Variants in AGBL4 observed in about 807,000 individuals in gnomAD.
The protein encoded by AGBL4 is cytosolic carboxypeptidase 6.
Under a neutral mutation model 66.4 loss-of-function variants are expected in AGBL4, and 58 were observed. The observed-to-expected ratio is 0.87, with a 90% CI of 0.71 to 1.09. The LOEUF is 1.09. Ranked by LOEUF, AGBL4 falls within the 50% of genes least tolerant of loss-of-function variation. The probability of loss-of-function intolerance (pLI) is 0.00; values close to 1 mark genes in which losing one functional copy is unlikely to be tolerated. For missense variants in AGBL4, 579 were observed against 631.0 expected, an observed-to-expected ratio of 0.92 and a Z score of 0.88; for synonymous variants, 234 against 222.9, an observed-to-expected ratio of 1.05 and a Z score of -0.44.
chr1:49,388,761 T>G (rs1156725282), intron 3 of AGBL4, among the ~76,000 whole-genome samples: 2 of 152,122 alleles, frequency 1.3e-5, no homozygotes, highest in Non-Finnish European at 2.9e-5. Context: ...TGCAAAGCTC[T>G]GTAAAACAAT....
At chr1:49,011,387 G>T (rs781725962) in intron 5 of AGBL4, among the ~76,000 whole-genome samples, 4 of 152,078 alleles carry the variant, frequency 2.6e-5, no homozygotes, top group Non-Finnish European at 5.9e-5. Flanking sequence ...AACAACAGGT[G>T]CTGGAGAGGG....
At chr1:48,690,059 C>G (rs1646604817) in intron 6 of AGBL4, among the ~76,000 whole-genome samples, 1 of 152,220 alleles carries the variant, frequency 6.6e-6, no homozygotes, top group Non-Finnish European at 1.5e-5. Context: ...CCATCAGCAC[C>G]TCGAGGTCAA....
At chr1:49,202,642 C>A (rs1647801011) in intron 4 of AGBL4, among the ~76,000 whole-genome samples, 1 of 151,942 alleles carries the variant, frequency 6.6e-6, no homozygotes, top group African/African-American at 2.4e-5. Context: ...AAATATAAGA[C>A]CTTAAACTAT....
intron 2 of AGBL4, among the ~76,000 whole-genome samples, chr1:49,803,956 T>C (rs894242923): frequency 6.6e-6 from 1 of 152,196 alleles, no homozygotes; most frequent in Non-Finnish European, 1.5e-5. Flanking sequence ...TATCCTAAGA[T>C]GTGTGGTTTA....
rs561625940 is a variant in AGBL4, at chr1:49,194,124, C to T, written c.377+51646G>A. On this transcript the variant is annotated intron_variant, in intron 4 of 13. Transcript: ENST00000371839. ...GCTGTTAGTAGGATGTTGAAGTCCT[C>T]CATTATTATTATATTGCTGGTTATC... is the stretch of plus-strand genomic sequence containing the variant. Among the ~76,000 whole-genome samples, 31 of 152,122 alleles carry T rather than the reference C, an allele frequency of 2.0e-4. 1 individual carries two copies. In the South Asian group the frequency reaches 6.0e-3, roughly 30 times the overall value.
chr1:49,110,817 C>T (rs1300703560), intron 4 of AGBL4, among the ~76,000 whole-genome samples: 1 of 152,132 alleles, frequency 6.6e-6, no homozygotes, highest in Non-Finnish European at 1.5e-5. Flanking sequence ...TCTTCAGTGA[C>T]AATTCAATTC....
chr1:49,858,298 T>A (rs144671681), intron 1 of AGBL4, among the ~76,000 whole-genome samples: 36 of 152,260 alleles, frequency 2.4e-4, no homozygotes, highest in African/African-American at 8.4e-4. Flanking sequence ...AGTACATTAG[T>A]ACATAGACAC....
At chr1:49,830,549 T>A (rs963995075) in intron 2 of AGBL4, among the ~76,000 whole-genome samples, 1 of 152,196 alleles carries the variant, frequency 6.6e-6, no homozygotes, top group African/African-American at 2.4e-5. Context: ...TTCTCCAATT[T>A]TGTGAGTTGC....
intron 1 of AGBL4, among the ~76,000 whole-genome samples, chr1:49,879,299 C>T (rs1163215359): frequency 7.9e-5 from 12 of 150,966 alleles, no homozygotes; most frequent in East Asian, 3.9e-4. Context: ...TGGCTGGTAC[C>T]GGTTGTTTCT....
rs1646013749 is a variant in AGBL4, at chr1:49,842,225, G to T, written c.157+9171C>A. On this transcript the variant is annotated intron_variant, in intron 2 of 13. Coordinates refer to ENST00000371839, the MANE Select transcript of AGBL4 (RefSeq NM_032785.4). The stretch of plus-strand genomic sequence containing the variant: ...CAGCCAGGAGGAGTGGAGGCAGCTG[G>T]AGCCTGCCCAGAGGGCCCTGTACTA... The T allele has an allele frequency of 1.4e-5, 6 of 435,250 alleles. No individual in the cohort carries two copies. The Admixed American group carries it at 1.4e-4, about 10-fold the overall frequency. 27.0% of individuals were successfully genotyped at this position (435,250 alleles called of 1,614,324 possible).
intron 4 of AGBL4, among the ~76,000 whole-genome samples, chr1:49,115,948 A>C (rs1056239942): frequency 8.5e-5 from 13 of 152,164 alleles, no homozygotes; most frequent in African/African-American, 3.1e-4. Flanking sequence ...CATGTTCTTA[A>C]AGGCACTGAA....
At position 49,054,624 on chromosome 1, in the gene AGBL4, A is replaced by AT. The variant is rs1644277435; in HGVS notation, c.378-8825_378-8824insA. 4.6e-5 allele frequency among the ~76,000 whole-genome samples: 7 copies of AT among 152,134 alleles called. No individual in the cohort carries two copies. The South Asian group carries it at 1.4e-3, about 32-fold the overall frequency. ...AGCTTCTATTTTCTATCTTCAAAAT[A>AT]GAAGCCATAGTTGTCAAAATGTACC... On this transcript the variant is annotated intron_variant, in intron 4 of 13. Coordinates refer to ENST00000371839, the MANE Select transcript of AGBL4 (RefSeq NM_032785.4).
intron 6 of AGBL4, among the ~76,000 whole-genome samples, chr1:48,742,149 T>G (rs1466152707): frequency 6.6e-6 from 1 of 152,248 alleles, no homozygotes; most frequent in Non-Finnish European, 1.5e-5. Flanking sequence ...TGTTCTTCCC[T>G]GTATTCCTGT....
At chr1:49,527,015 A>T (rs1232430527) in intron 3 of AGBL4, among the ~76,000 whole-genome samples, 1 of 152,168 alleles carries the variant, frequency 6.6e-6, no homozygotes, top group Admixed American at 6.5e-5. Context: ...TGTACTTAGA[A>T]ATTATTTATC....
At chr1:49,610,351 A>T (rs1645132222) in intron 3 of AGBL4, among the ~76,000 whole-genome samples, 1 of 152,182 alleles carries the variant, frequency 6.6e-6, no homozygotes, top group Non-Finnish European at 1.5e-5. Flanking sequence ...GGAGTGTTGG[A>T]GTTTAACTCA....
chr1:49,178,862 T>C (rs1194762955), intron 4 of AGBL4, among the ~76,000 whole-genome samples: 1 of 152,192 alleles, frequency 6.6e-6, no homozygotes, highest in Non-Finnish European at 1.5e-5. Context: ...GTCTTGTCAC[T>C]AAAGTAGGTA....
intron 3 of AGBL4, among the ~76,000 whole-genome samples, chr1:49,448,009 T>C (rs554958042): frequency 2.0e-5 from 3 of 152,182 alleles, no homozygotes; most frequent in East Asian, 1.9e-4. Context: ...AGAAGGAGCA[T>C]AGATGCTATG....
intron 5 of AGBL4, among the ~76,000 whole-genome samples, chr1:48,972,665 A>G (rs1659004962): frequency 1.3e-5 from 2 of 152,186 alleles, no homozygotes; most frequent in South Asian, 2.1e-4. Flanking sequence ...AAGTTAGCCT[A>G]TGGGTCAGGG....
rs75967311 is a variant in AGBL4 at position 48,648,602 on chromosome 1, T to A, written c.839+4735A>T. Among the ~76,000 whole-genome samples, 303 of 152,122 alleles carry A rather than the reference T, an allele frequency of 2.0e-3. 13 individuals are homozygous for A. The East Asian group carries it at 0.055, about 28-fold the overall frequency. On this transcript the variant is annotated intron_variant, in intron 8 of 13. Transcript: ENST00000371839. ...ATAGAGCAAAGGCAATGTGCGGGAGTGTGGCGAGTCCCTGGATGTACCCTA... is the reference window on the plus strand; with the variant it reads ...ATAGAGCAAAGGCAATGTGCGGGAGAGTGGCGAGTCCCTGGATGTACCCTA...
Sources: allele counts gnomAD v4.1 joint callset (sites outside exome capture counted in the v4.1 genomes callset), GRCh38; gene constraint gnomAD v4.1.1; transcripts MANE v1.5; gene names NCBI Gene and HGNC (gene_info 2026-07-23, HGNC 2026-07-21).